The following ABL1 variants were observed in gnomAD, a reference collection of about 807,000 sequenced individuals.
ABL1 encodes the protein ABL proto-oncogene 1, non-receptor tyrosine kinase.
ABL1 carries 11 observed loss-of-function variants against 94.7 expected under a neutral mutation model. That is an observed-to-expected ratio of 0.12 (90% CI 0.07 to 0.19). ABL1 has a LOEUF of 0.19. ABL1 is among the 10% of genes least tolerant of loss of function. The pLI is 1.00. For synonymous variants in ABL1, 656 were observed against 622.4 expected (o/e 1.05, Z -0.80); for missense variants, 1,082 against 1,489.4 (o/e 0.73, Z 4.50).
Position 130,885,604 on chromosome 9 carries a change from G to A in ABL1, c.3314G>A (p.Gly1105Asp). 6.2e-7 allele frequency: 1 copy of A among 1,613,602 alleles called. No individual in the cohort carries two copies. The highest frequency in any genetic ancestry group is 1.1e-5 in the South Asian group (1 of 91,072). ...CTTCAGATCTGCCCGGCGACAGCAG[G>A]CAGTGGTCCAGCGGCCACTCAGGAC... ...RELQICPATA[G>D]SGPAATQDFS... is the part of the protein sequence containing the mutation. Residue 1105 changes from glycine (G) to aspartate (D), a missense_variant, in exon 11 of 11, where the codon GGC becomes GAC. Around this residue, in one of 7 missense-constraint regions of ABL1, gnomAD observed 780 missense variants for 835.8 expected, o/e 0.93. Transcript: ENST00000318560.
At position 130,806,493 on chromosome 9, in the gene ABL1, T is replaced by TC. The variant is rs1417481939; in HGVS notation, c.137-47571_137-47570insC. Among the ~76,000 whole-genome samples, 119 of 152,232 alleles carry TC rather than the reference T, an allele frequency of 7.8e-4. 1 individual carries two copies. The highest frequency in any genetic ancestry group is 1.5e-5 in the Non-Finnish European group (1 of 68,006). On this transcript the variant is annotated intron_variant, in intron 1 of 10. Transcript: ENST00000372348. ...GCCAGCTCTATTTCCTGTGAGGACTTTAAAAAAAATTGCATTCACACATTT... is the reference window on the plus strand; with the variant it reads ...GCCAGCTCTATTTCCTGTGAGGACTTCTAAAAAAAATTGCATTCACACATTT...
intron 1 of ABL1, among the ~76,000 whole-genome samples, chr9:130,765,072 A>T (rs1832164818): frequency 6.6e-6 from 1 of 152,104 alleles, no homozygotes. Context: ...TTCAGAATTC[A>T]TCATTTTGTC....
intron 10 of ABL1, among the ~76,000 whole-genome samples, chr9:130,882,354 TAA>T (rs1831472024): frequency 1.3e-5 from 2 of 152,274 alleles, no homozygotes; most frequent in African/African-American, 4.8e-5. Flanking sequence ...TCCACTAGAT[TAA>T]AGTTTTGGGA....
chr9:130,850,933 TTTG>T (rs973146375), intron 1 of ABL1, among the ~76,000 whole-genome samples: 3 of 151,316 alleles, frequency 2.0e-5, no homozygotes, highest in African/African-American at 7.3e-5. Flanking sequence ...TGTTTGTTTG[TTTG>T]TTTTTTTGAG....
upstream of ABL1, among the ~76,000 whole-genome samples, chr9:130,830,835 T>C (rs563546993): frequency 6.6e-6 from 1 of 152,268 alleles, no homozygotes; most frequent in South Asian, 2.1e-4. Flanking sequence ...CTCTGAGAGG[T>C]GAAGTCGTTG....
chr9:130,762,364 A>G (rs1832127443), intron 1 of ABL1, among the ~76,000 whole-genome samples: 1 of 152,160 alleles, frequency 6.6e-6, no homozygotes, highest in South Asian at 2.1e-4. Context: ...TGAATATAAA[A>G]CATGGTAATT....
At chr9:130,773,843 A>G (rs533068549) in intron 1 of ABL1, among the ~76,000 whole-genome samples, 7 of 152,176 alleles carry the variant, frequency 4.6e-5, no homozygotes, top group South Asian at 2.1e-4. Context: ...AAAGTATACA[A>G]TTTGATAAAT....
intron 1 of ABL1, among the ~76,000 whole-genome samples, chr9:130,809,089 C>G (rs554239205): frequency 1.3e-5 from 2 of 152,200 alleles, no homozygotes; most frequent in South Asian, 2.1e-4. Flanking sequence ...GCTGGGGCAG[C>G]TAGAGTTCAC....
chr9:130,750,192 C>CATATATATAT (rs56263750), intron 1 of ABL1, among the ~76,000 whole-genome samples: 19 of 106,448 alleles, frequency 1.8e-4, no homozygotes, highest in South Asian at 3.0e-4. Flanking sequence ...AAAAAAAATA[C>CATATATATAT]ATATATATAT....
intron 1 of ABL1, among the ~76,000 whole-genome samples, chr9:130,783,418 A>G (rs1290874468): frequency 6.6e-6 from 1 of 152,220 alleles, no homozygotes; most frequent in African/African-American, 2.4e-5. Flanking sequence ...ATAAAGATGT[A>G]TTCTGATAAC....
At chr9:130,774,284 A>G (rs1281792013) in intron 1 of ABL1, among the ~76,000 whole-genome samples, 2 of 152,112 alleles carry the variant, frequency 1.3e-5, no homozygotes, top group African/African-American at 4.8e-5. Flanking sequence ...GTATGAGCAA[A>G]GCTTTGTGTG....
At chr9:130,830,647 G>T (rs548139569), upstream of ABL1, among the ~76,000 whole-genome samples, 2 of 152,190 alleles carry the variant, frequency 1.3e-5, no homozygotes, top group Non-Finnish European at 2.9e-5. Flanking sequence ...TGAGATGTAG[G>T]CAGGAACACA....
intron 2 of ABL1, 138 bp from the exon 3 acceptor site, chr9:130,854,663 A>G (rs1441341738): frequency 3.3e-6 from 3 of 908,254 alleles, no homozygotes; most frequent in South Asian, 1.8e-5. Flanking sequence ...TTATAAATGC[A>G]TATCTTTATG....
chr9:130,879,013 G>T (rs1038742982), intron 8 of ABL1, among the ~76,000 whole-genome samples: 1 of 152,074 alleles, frequency 6.6e-6, no homozygotes, highest in African/African-American at 2.4e-5. Context: ...AAGTAGCTGG[G>T]ATTACAGGCA....
Position 130,750,231 on chromosome 9 carries a change from A to ATATC in ABL1, c.136+35779_136+35780insCTAT, listed in dbSNP as rs1588222197. Among the ~76,000 whole-genome samples, 3 of 133,646 alleles carry ATATC rather than the reference A, an allele frequency of 2.2e-5. No individual in the cohort carries two copies. In the East Asian group the frequency reaches 6.2e-4, roughly 28 times the overall value. 87.7% of individuals were successfully genotyped at this position (133,646 alleles called of 152,430 possible). The stretch of plus-strand genomic sequence containing the variant: ...TATATATATATATATATATATATAT[A>ATATC]TATATCCAAGTATAAGTATATACTT... On this transcript the variant is annotated intron_variant, in intron 1 of 10. Coordinates refer to the ABL1 transcript ENST00000372348.
chr9:130,831,235 C>T (rs545704420), upstream of ABL1, among the ~76,000 whole-genome samples: 4 of 152,250 alleles, frequency 2.6e-5, no homozygotes, highest in South Asian at 6.2e-4. Flanking sequence ...GTCACCTTGT[C>T]CTGGGGTCCC....
chr9:130,810,211 G>A (rs1349044077), intron 1 of ABL1, among the ~76,000 whole-genome samples: 1 of 152,074 alleles, frequency 6.6e-6, no homozygotes, highest in African/African-American at 2.4e-5. Flanking sequence ...CATGAAAGAT[G>A]ATGGCTGGGC....
At chr9:130,739,793 A>G (rs752872169) in intron 1 of ABL1, among the ~76,000 whole-genome samples, 35 of 152,208 alleles carry the variant, frequency 2.3e-4, no homozygotes, top group Non-Finnish European at 4.7e-4. Context: ...TCACGCTGCA[A>G]TTTCAGCACT....
At chr9:130,876,756 T>TTTTTA (rs71389372) in intron 7 of ABL1, among the ~76,000 whole-genome samples, 1 of 133,166 alleles carries the variant, frequency 7.5e-6, no homozygotes. Flanking sequence ...TTTTTTTTTT[T>TTTTTA]GAGACAGTCT....
Sources: allele counts gnomAD v4.1 joint callset (sites outside exome capture counted in the v4.1 genomes callset), GRCh38; gene constraint gnomAD v4.1.1; regional missense constraint gnomAD v4.1.1; transcripts MANE v1.5; gene names NCBI Gene and HGNC (gene_info 2026-07-23, HGNC 2026-07-21).